The following CRYBG1 variants were observed in gnomAD, a reference collection of about 807,000 sequenced individuals.
The protein encoded by CRYBG1 is beta/gamma crystallin domain-containing protein 1.
In CRYBG1, 139 loss-of-function variants were observed where a neutral mutation model predicts 189.2. That is an observed-to-expected ratio of 0.73 (90% CI 0.64 to 0.85). The LOEUF (loss-of-function observed/expected upper bound fraction) is 0.85, where lower values mean the gene tolerates loss of function less well. Among genes scored for constraint, CRYBG1 ranks in the 40% least tolerant of loss-of-function variants. The pLI, the probability that CRYBG1 is intolerant of heterozygous loss-of-function variation, is 0.00. For missense variants in CRYBG1, 2,611 were observed against 2,675.8 expected (o/e 0.98, Z 0.53); for synonymous variants, 1,023 against 1,017.1 (o/e 1.01, Z -0.11).
rs1023945377 is a variant in CRYBG1 at position 106,360,866 on chromosome 6, G to A, written c.-43G>A. ...TCTTCCATAGGGCCCGGGCGGCAGA[G>A]AGGACCGCGTCCCGGCAGTCGGAGC... On this transcript the variant is annotated 5_prime_UTR_variant, in exon 1 of 22. Coordinates refer to ENST00000633556, the MANE Select transcript of CRYBG1 (RefSeq NM_001371242.2). The A allele has an allele frequency of 6.7e-6, 10 of 1,500,590 alleles. No individual in the cohort carries two copies. In the East Asian group the frequency reaches 2.0e-4, roughly 30 times the overall value. The allele number at this position is 1,500,590 out of a possible 1,614,324, so 93.0% of individuals were successfully genotyped here. A position where few individuals can be genotyped will look rare whatever the true frequency, so the allele number is the denominator to read the frequency against.
At chr6:106,555,669 T>C (rs771178901) in intron 16 of CRYBG1, 99 bp from the exon 17 acceptor site, 63 of 1,380,414 alleles carry the variant, frequency 4.6e-5, no homozygotes, top group Middle Eastern at 3.7e-4. Flanking sequence ...AGAAGCATTG[T>C]GTTTATTTTA....
intron 1 of CRYBG1, among the ~76,000 whole-genome samples, chr6:106,403,371 A>G (rs78997140): frequency 0.082 from 12,317 of 150,670 alleles, 639 homozygotes; most frequent in East Asian, 0.15. Context: ...TTGTGACTGG[A>G]ACACAGAGAG....
At chr6:106,551,719 G>T in intron 13 of CRYBG1, 133 bp from the exon 14 acceptor site, 1 of 980,682 alleles carries the variant, frequency 1.0e-6, no homozygotes. Flanking sequence ...AAAGGTTAAT[G>T]GAGAATCAGA....
intron 8 of CRYBG1, among the ~76,000 whole-genome samples, chr6:106,534,440 C>G (rs1440027132): frequency 6.6e-6 from 1 of 152,096 alleles, no homozygotes; most frequent in Non-Finnish European, 1.5e-5. Context: ...TTTTATAGAT[C>G]TCAAAGGAAA....
rs1403459440 is a variant in CRYBG1 at position 106,512,724 on chromosome 6, C to A, written c.1607C>A (p.Pro536His). 1.3e-6 allele frequency: 2 copies of A among 1,558,870 alleles called. No individual in the cohort carries two copies. Among genetic ancestry groups the A allele is most frequent in the Non-Finnish European group, 1.7e-6 (2 of 1,152,346 alleles). The change falls in exon 3 of 22, where the codon CCC (proline) becomes CAC (histidine). Residue 536 changes from proline (P) to histidine (H), a missense_variant. Pro to His is a moderately conservative substitution (Grantham distance 77, BLOSUM62 -2). Coordinates refer to ENST00000633556, the MANE Select transcript of CRYBG1 (RefSeq NM_001371242.2). The stretch of plus-strand genomic sequence containing the variant: ...CCGCCCGCCAGCGGCCCCCGGGCTC[C>A]CGCCAAGGAGTCCCCACCCAAGAGG... ...PAPPASGPRA[P>H]AKESPPKRVP...
chr6:106,378,117 C>G (rs1012801290), intron 1 of CRYBG1, among the ~76,000 whole-genome samples: 1 of 152,090 alleles, frequency 6.6e-6, no homozygotes, highest in African/African-American at 2.4e-5. Flanking sequence ...GCCCTGTCAC[C>G]CCCCGGTCAT....
chr6:106,517,699 G>A (rs1353494979), intron 3 of CRYBG1, among the ~76,000 whole-genome samples: 4 of 150,830 alleles, frequency 2.7e-5, no homozygotes, highest in Non-Finnish European at 5.9e-5. Context: ...TAAGTTGGGG[G>A]AAATAAAAAC....
Position 106,512,042 on chromosome 6 carries a change from C to G in CRYBG1, c.925C>G (p.Leu309Val). The change falls in exon 3 of 22, where the codon CTA becomes GTA. Residue 309 changes from leucine to valine, a missense_variant. By Grantham distance (32) the Leu-to-Val change is conservative. Coordinates refer to ENST00000633556, the MANE Select transcript of CRYBG1 (RefSeq NM_001371242.2). Reference protein sequence around the residue: ...SPTQERPAGGLGEAPNGAPSV... With the variant: ...SPTQERPAGGVGEAPNGAPSV... Reference sequence around the variant, plus strand: ...CACCCAGGAGCGGCCCGCGGGAGGACTAGGCGAGGCCCCTAACGGAGCCCC... The same window carrying G: ...CACCCAGGAGCGGCCCGCGGGAGGAGTAGGCGAGGCCCCTAACGGAGCCCC... 1.3e-6 allele frequency: 2 copies of G among 1,531,486 alleles called. No individual in the cohort carries two copies. Among genetic ancestry groups the G allele is most frequent in the South Asian group, 1.2e-5 (1 of 83,508 alleles). The allele number at this position is 1,531,486 out of a possible 1,614,324, so 94.9% of individuals were successfully genotyped here.
At chr6:106,565,142 A>AC (rs978646544) in intron 21 of CRYBG1, among the ~76,000 whole-genome samples, 4 of 151,916 alleles carry the variant, frequency 2.6e-5, no homozygotes, top group African/African-American at 9.7e-5. Flanking sequence ...ACATGGTGAA[A>AC]CCCCGTCTCT....
rs1465658700 is a variant in CRYBG1, at chr6:106,512,421, C to T, written c.1304C>T (p.Ala435Val). The part of the protein sequence containing the change: ...QKSTDSPGAD[A>V]ELPESAARDD... Reference sequence around the variant, plus strand: ...TCCACCGACTCCCCCGGCGCGGACGCCGAGCTCCCTGAGAGCGCTGCCAGG... The same window carrying T: ...TCCACCGACTCCCCCGGCGCGGACGTCGAGCTCCCTGAGAGCGCTGCCAGG... The change falls in exon 3 of 22, where the codon GCC (alanine) becomes GTC (valine). Residue 435 changes from alanine (A) to valine (V), a missense_variant. Coordinates refer to ENST00000633556, the MANE Select transcript of CRYBG1 (RefSeq NM_001371242.2). 6.2e-7 allele frequency: 1 copy of T among 1,608,830 alleles called. No individual in the cohort carries two copies. The highest frequency in any genetic ancestry group is 2.2e-5 in the East Asian group (1 of 44,720).
At chr6:106,529,585 G>A (rs1204408902) in intron 7 of CRYBG1, among the ~76,000 whole-genome samples, 1 of 152,232 alleles carries the variant, frequency 6.6e-6, no homozygotes, top group Non-Finnish European at 1.5e-5. Context: ...TGGACCAGAA[G>A]AGGCCTTTTG....
intron 17 of CRYBG1, 151 bp from the exon 18 acceptor site, chr6:106,558,335 C>T: frequency 1.7e-6 from 1 of 601,006 alleles, no homozygotes; most frequent in Non-Finnish European, 2.8e-6. Flanking sequence ...TTGGAGTACA[C>T]AAACATCCAG....
intron 21 of CRYBG1, among the ~76,000 whole-genome samples, chr6:106,565,656 G>C (rs1774862397): frequency 6.6e-6 from 1 of 152,172 alleles, no homozygotes; most frequent in African/African-American, 2.4e-5. Context: ...CATATAAAAT[G>C]CAAGTAGTAC....
intron 8 of CRYBG1, among the ~76,000 whole-genome samples, chr6:106,533,407 C>T (rs1020936511): frequency 6.6e-6 from 1 of 152,202 alleles, no homozygotes; most frequent in African/African-American, 2.4e-5. Flanking sequence ...TAGATTTACT[C>T]TACGTGGCAT....
chr6:106,457,631 G>A (rs1415864247), intron 2 of CRYBG1, among the ~76,000 whole-genome samples: 2 of 152,168 alleles, frequency 1.3e-5, no homozygotes, highest in African/African-American at 4.8e-5. Flanking sequence ...GTGCCATCTG[G>A]TGTGATTAGA....
At chr6:106,427,894 T>G (rs1212805351) in intron 1 of CRYBG1, among the ~76,000 whole-genome samples, 1 of 152,188 alleles carries the variant, frequency 6.6e-6, no homozygotes, top group Admixed American at 6.5e-5. Flanking sequence ...TTTTTCACTT[T>G]CTGGACCGCA....
At position 106,521,140 on chromosome 6, in the gene CRYBG1, T is replaced by C; in HGVS notation, c.3932T>C (p.Val1311Ala). 1 of 1,614,048 alleles carries C rather than the reference T, an allele frequency of 6.2e-7. No individual in the cohort carries two copies. The highest frequency in any genetic ancestry group is 8.5e-7 in the Non-Finnish European group (1 of 1,180,004). Reference protein sequence around the residue: ...SNLLPDNSLKVFNFNSSSTSH... With the variant: ...SNLLPDNSLKAFNFNSSSTSH... ...CTTCTGCCCGACAACTCCTTAAAGG[T>C]CTTCAATTTCAACTCGTCAAGTACA... The change falls in exon 4 of 22, where the codon GTC becomes GCC. Residue 1311 changes from valine (V) to alanine (A), a missense_variant. Around this residue, in one of 3 missense-constraint regions of CRYBG1, gnomAD observed 1,622 missense variants for 1,735.0 expected, o/e 0.93. Transcript: ENST00000633556.
At chr6:106,427,165 T>C (rs1240937445) in intron 1 of CRYBG1, among the ~76,000 whole-genome samples, 1 of 152,206 alleles carries the variant, frequency 6.6e-6, no homozygotes, top group African/African-American at 2.4e-5. Context: ...TTTCTGGACT[T>C]ACAGCTTTAG....
chr6:106,512,024 GA>G lies in CRYBG1; in HGVS notation c.908del (p.Glu303GlyfsTer7), dbSNP rs1562095397. 6.5e-7 allele frequency: 1 copy of G among 1,530,222 alleles called. No individual in the cohort carries two copies. The highest frequency in any genetic ancestry group is 8.7e-7 in the Non-Finnish European group (1 of 1,143,792). 94.8% of individuals were successfully genotyped at this position (1,530,222 alleles called of 1,614,324 possible). A position where few individuals can be genotyped will look rare whatever the true frequency, so the allele number is the denominator to read the frequency against. ...GGGTGCGCCAGGGTCGCCCACCCAG[GA>G]GCGGCCCGCGGGAGGACTAGGCGAG... ...VRGAPGSPTQERPAGGLGEAP... is the reference protein window; with the variant it reads ...VRGAPGSPTQXRPAGGLGEAP... On this transcript the variant is annotated frameshift_variant, in exon 3 of 22. Coordinates refer to ENST00000633556, the MANE Select transcript of CRYBG1 (RefSeq NM_001371242.2). LOFTEE classifies it high-confidence loss of function.
Sources: allele counts gnomAD v4.1 joint callset (sites outside exome capture counted in the v4.1 genomes callset), GRCh38; gene constraint gnomAD v4.1.1; regional missense constraint gnomAD v4.1.1; transcripts MANE v1.5; gene names NCBI Gene and HGNC (gene_info 2026-07-23, HGNC 2026-07-21).